Variants in GLOD5 observed in about 807,000 individuals in gnomAD.
GLOD5 encodes the protein glyoxalase domain-containing protein 5.
Under a neutral mutation model 9.9 loss-of-function variants are expected in GLOD5, and 7 were observed. That is an observed-to-expected ratio of 0.71 (90% CI 0.40 to 1.33). The LOEUF is 1.33. Ranked by LOEUF, GLOD5 falls within the 40% of genes most tolerant of loss-of-function variation. The probability of loss-of-function intolerance (pLI) is 0.01; values close to 1 mark genes in which losing one functional copy is unlikely to be tolerated. For missense variants in GLOD5, 146 were observed against 128.4 expected (o/e 1.14, Z -0.66); for synonymous variants, 49 against 47.3 (o/e 1.04, Z -0.14).
At chrX:48,763,697 A>G (rs2062602122) in intron 1 of GLOD5, among the ~76,000 whole-genome samples, 1 of 111,899 alleles carries the variant, frequency 8.9e-6, no homozygotes, top group Admixed American at 9.6e-5. Context: ...TGTCTCAAAA[A>G]GGGAATTAAA....
chrX:48,765,448 C>G (rs782577124), intron 1 of GLOD5, among the ~76,000 whole-genome samples: 4 of 108,897 alleles, frequency 3.7e-5, no homozygotes, highest in Non-Finnish European at 7.6e-5. Flanking sequence ...CGTGGTGACA[C>G]ACACCTGTAG....
In GLOD5 at chrX:48,773,612, C is replaced by T; in HGVS notation, c.*177C>T. ...CCAAACCTACATGTCTGTATGTCAT[C>T]AAAGTTGGCCTAATAAATGCATAAC... On this transcript the variant is annotated 3_prime_UTR_variant, in exon 4 of 4. Coordinates refer to ENST00000303227, the MANE Select transcript of GLOD5 (RefSeq NM_001080489.3). 2.2e-6 allele frequency: 1 copy of T among 459,010 alleles called. No individual in the cohort carries two copies. Among genetic ancestry groups the T allele is most frequent in the Middle Eastern group, 6.0e-4 (1 of 1,663 alleles). 37.8% of individuals were successfully genotyped at this position (459,010 alleles called of 1,213,427 possible).
At chrX:48,766,205 G>A in intron 2 of GLOD5, 1 of 340,962 alleles carries the variant, frequency 2.9e-6, no homozygotes, top group South Asian at 3.9e-5. Context: ...TCTCTACATG[G>A]AAAAGGTTAA....
intron 3 of GLOD5, among the ~76,000 whole-genome samples, chrX:48,771,716 G>A (rs1557017414): frequency 2.7e-5 from 3 of 112,014 alleles, no homozygotes; most frequent in African/African-American, 9.7e-5. Context: ...CAACAGCTAT[G>A]AAAGCATAAC....
At chrX:48,767,922 C>T (rs1227083390) in intron 2 of GLOD5, among the ~76,000 whole-genome samples, 1 of 111,249 alleles carries the variant, frequency 9.0e-6, no homozygotes, top group African/African-American at 3.3e-5. Flanking sequence ...CCCTCCCACA[C>T]ACACATATAA....
At chrX:48,765,608 G>T in intron 1 of GLOD5, 3 of 378,077 alleles carry the variant, frequency 7.9e-6, no homozygotes, top group East Asian at 5.3e-5. Flanking sequence ...AAAAAGAAAA[G>T]GAAACAAGGA....
intron 2 of GLOD5, among the ~76,000 whole-genome samples, chrX:48,767,776 A>C (rs1286324581): frequency 9.0e-6 from 1 of 111,344 alleles, no homozygotes; most frequent in Non-Finnish European, 1.9e-5. Context: ...GAGGAAACTT[A>C]AATGCATATT....
Position 48,765,913 on chromosome X carries a change from A to G in GLOD5, c.142A>G (p.Ile48Val). 8.3e-7 allele frequency: 1 copy of G among 1,205,121 alleles called. No homozygotes were observed. The highest frequency in any genetic ancestry group is 1.1e-6 in the Non-Finnish European group (1 of 891,586). ...LDHIVMTVKS[I>V]KDTTMFYSKI... ...CCACATCGTGATGACGGTGAAGAGC[A>G]TCAAAGACACCACCATGTTTTATTC... The change falls in exon 2 of 4, where the codon ATC becomes GTC. Residue 48 changes from isoleucine to valine, a missense_variant. Physicochemically the swap from Ile to Val is conservative, Grantham distance 29 (BLOSUM62 3). Coordinates refer to ENST00000303227, the MANE Select transcript of GLOD5 (RefSeq NM_001080489.3).
intron 2 of GLOD5, 120 bp from the exon 3 acceptor site, chrX:48,770,807 A>G: frequency 2.0e-6 from 1 of 510,766 alleles, no homozygotes. Context: ...GTTGTGTAGT[A>G]GCCCCATTCT....
At chrX:48,768,097 T>C (rs1557016905) in intron 2 of GLOD5, among the ~76,000 whole-genome samples, 1 of 111,974 alleles carries the variant, frequency 8.9e-6, no homozygotes, top group Non-Finnish European at 1.9e-5. Flanking sequence ...TCCTGAGTAG[T>C]TGAGACTGTA....
At chrX:48,764,696 C>A (rs1234719266) in intron 1 of GLOD5, among the ~76,000 whole-genome samples, 1 of 108,429 alleles carries the variant, frequency 9.2e-6, no homozygotes. Flanking sequence ...TACACGTGAG[C>A]GCCCCACAAC....
chrX:48,761,980 A>C, intron 1 of GLOD5, 127 bp downstream of exon 1: 3 of 537,979 alleles, frequency 5.6e-6, no homozygotes, highest in Non-Finnish European at 6.3e-6. Flanking sequence ...TTTCAGAGAC[A>C]AGCAGAGGGC....
chrX:48,771,734 T>A (rs1264357158), intron 3 of GLOD5, among the ~76,000 whole-genome samples: 1 of 112,175 alleles, frequency 8.9e-6, no homozygotes, highest in Non-Finnish European at 1.9e-5. Context: ...AACAATGTCA[T>A]TAGATTCTAG....
Position 48,761,937 on chromosome X carries a change from C to T in GLOD5, c.63+84C>T, listed in dbSNP as rs782709675. The T allele has an allele frequency of 1.1e-5, 8 of 709,114 alleles. No individual in the cohort carries two copies. In the East Asian group the frequency reaches 2.8e-4, roughly 25 times the overall value. The allele number at this position is 709,114 out of a possible 1,213,427, so 58.4% of individuals were successfully genotyped here. ...GTAACCTGTTTCCCTTCTCTGCGGG[C>T]TCCCATTTCCTGTCCTCCTCTCTCC... On this transcript the variant is annotated intron_variant, in intron 1 of 3. Transcript: ENST00000303227.
intron 1 of GLOD5, 71 bp downstream of exon 1, chrX:48,761,924 C>T (rs2062597325): frequency 1.2e-6 from 1 of 818,189 alleles, no homozygotes; most frequent in Non-Finnish European, 1.8e-6. Flanking sequence ...AACCTGTTTC[C>T]CTTCTCTGCG....
At position 48,765,354 on chromosome X, in the gene GLOD5, T is replaced by C. The variant is rs1396151093; in HGVS notation, c.64-481T>C. On this transcript the variant is annotated intron_variant, in intron 1 of 3. Coordinates refer to ENST00000303227, the MANE Select transcript of GLOD5 (RefSeq NM_001080489.3). Reference sequence around the variant, plus strand: ...TGGGAGGCCGAGGTAGGCAGATCACTTGAGGTCAGGAGTTTGAGTTTAAGA... The same window carrying C: ...TGGGAGGCCGAGGTAGGCAGATCACCTGAGGTCAGGAGTTTGAGTTTAAGA... Among the ~76,000 whole-genome samples the C allele has an allele frequency of 2.7e-5, 3 of 109,508 alleles. No homozygotes were observed. In the Admixed American group the frequency reaches 3.0e-4, roughly 11 times the overall value.
chrX:48,766,776 T>G (rs2062610094), intron 2 of GLOD5, among the ~76,000 whole-genome samples: 1 of 104,137 alleles, frequency 9.6e-6, no homozygotes, highest in South Asian at 4.4e-4. Context: ...AATGTAAATG[T>G]AGAATAAAAG....
chrX:48,764,593 C>T (rs1053386066), intron 1 of GLOD5, among the ~76,000 whole-genome samples: 1 of 105,235 alleles, frequency 9.5e-6, no homozygotes, highest in Non-Finnish European at 2.0e-5. Flanking sequence ...GCTCTGTCAC[C>T]CAGGAGTCCG....
intron 3 of GLOD5, among the ~76,000 whole-genome samples, chrX:48,771,285 A>G (rs1184421061): frequency 2.7e-5 from 3 of 110,933 alleles, no homozygotes; most frequent in African/African-American, 9.8e-5. Context: ...AAACAAACAA[A>G]CAAACAAACC....
Sources: gnomAD v4.1 joint callset for allele counts (sites outside exome capture counted in the v4.1 genomes callset) on GRCh38, gnomAD v4.1.1 for gene constraint, MANE v1.5 for transcripts, NCBI Gene and HGNC (gene_info 2026-07-23, HGNC 2026-07-21) for gene names.